Variants in TPTE observed in about 807,000 individuals in gnomAD.
TPTE encodes the protein putative tyrosine-protein phosphatase TPTE.
In TPTE, 59 loss-of-function variants were observed where a neutral mutation model predicts 84.1. The ratio of observed to expected loss-of-function variants is 0.70; its 90% confidence interval spans 0.57 to 0.87. The LOEUF is 0.87. Ranked by LOEUF, TPTE falls within the 40% of genes least tolerant of loss-of-function variation. The pLI, the probability that TPTE is intolerant of heterozygous loss-of-function variation, is 0.00. For synonymous variants in TPTE, 130 were observed against 223.5 expected (o/e 0.58, Z 3.73); for missense variants, 382 against 659.6 (o/e 0.58, Z 4.61).
At chr21:10,542,253 C>T (rs562610120) in intron 5 of TPTE, 142 bp from the exon 6 acceptor site, 136 of 1,040,758 alleles carry the variant, frequency 1.3e-4, no homozygotes, top group Non-Finnish European at 1.7e-4. Context: ...GAGGAAAAGA[C>T]ATTCCAGGTT....
At chr21:10,593,164 C>T (rs2075518338) in intron 19 of TPTE, among the ~76,000 whole-genome samples, 2 of 152,426 alleles carry the variant, frequency 1.3e-5, no homozygotes, top group East Asian at 1.9e-4. Flanking sequence ...ACCCCACTCT[C>T]CACTCTTGTT....
chr21:10,603,770 G>C (rs1978909473), intron 23 of TPTE, 138 bp downstream of exon 23: 1 of 1,118,356 alleles, frequency 8.9e-7, no homozygotes, highest in African/African-American at 1.6e-5. Flanking sequence ...ATTGTTCCTT[G>C]CCTTACTCTT....
intron 20 of TPTE, among the ~76,000 whole-genome samples, chr21:10,596,414 A>G (rs1600980627): frequency 1.3e-5 from 2 of 152,418 alleles, no homozygotes; most frequent in East Asian, 3.9e-4. Context: ...AGGGAGGAGG[A>G]GGACCCATGT....
At position 10,533,485 on chromosome 21, in the gene TPTE, A is replaced by G. The variant is rs1385912144; in HGVS notation, c.-43-5196A>G. 4.6e-5 allele frequency among the ~76,000 whole-genome samples: 7 copies of G among 152,416 alleles called. No homozygotes were observed. The East Asian group carries it at 9.6e-4, about 21-fold the overall frequency. ...AGTAGTTGTATTCCTCAGATATCTA[A>G]TCATGTTGGTTTGTGAACTCAGATT... On this transcript the variant is annotated intron_variant, in intron 3 of 23. Transcript: ENST00000618007.
intron 3 of TPTE, among the ~76,000 whole-genome samples, chr21:10,529,818 C>T (rs1336196101): frequency 6.6e-6 from 1 of 152,308 alleles, no homozygotes; most frequent in Non-Finnish European, 1.5e-5. Flanking sequence ...TTTCAATGTT[C>T]AGTATCCTGT....
intron 7 of TPTE, among the ~76,000 whole-genome samples, chr21:10,545,641 C>T (rs1258745935): frequency 1.3e-5 from 2 of 152,244 alleles, no homozygotes; most frequent in Admixed American, 1.3e-4. Flanking sequence ...TATCTACACA[C>T]ACACACACAC....
chr21:10,605,067 A>C (rs1399772012), intron 23 of TPTE, among the ~76,000 whole-genome samples: 1 of 152,304 alleles, frequency 6.6e-6, no homozygotes, highest in Non-Finnish European at 1.5e-5. Flanking sequence ...CTCACACATA[A>C]ATTAAAAGAG....
intron 4 of TPTE, among the ~76,000 whole-genome samples, chr21:10,540,561 C>T (rs1467819919): frequency 6.6e-6 from 1 of 152,312 alleles, no homozygotes; most frequent in South Asian, 2.1e-4. Flanking sequence ...AGAGAAATCC[C>T]AGCCAAAACA....
At chr21:10,545,837 A>G (rs1213894600) in intron 7 of TPTE, among the ~76,000 whole-genome samples, 3 of 151,784 alleles carry the variant, frequency 2.0e-5, no homozygotes, top group African/African-American at 7.3e-5. Context: ...ATACATATCT[A>G]TATATAGATA....
intron 3 of TPTE, among the ~76,000 whole-genome samples, chr21:10,535,038 T>TA (rs1219094329): frequency 6.6e-6 from 1 of 152,304 alleles, no homozygotes; most frequent in Non-Finnish European, 1.5e-5. Flanking sequence ...GTTGGCTTTT[T>TA]ATGAAGGCTA....
chr21:10,579,551 T>A (rs1600945030), intron 17 of TPTE, among the ~76,000 whole-genome samples: 1 of 152,308 alleles, frequency 6.6e-6, no homozygotes, highest in African/African-American at 2.4e-5. Flanking sequence ...AAGTTTTGTC[T>A]CCCCAGCCCC....
At chr21:10,565,913 G>A (rs1164269766) in intron 10 of TPTE, among the ~76,000 whole-genome samples, 3 of 152,312 alleles carry the variant, frequency 2.0e-5, no homozygotes, top group East Asian at 1.9e-4. Context: ...TACTACAAGA[G>A]AACATTGGGA....
At position 10,601,956 on chromosome 21, in the gene TPTE, A is replaced by G. The variant is rs1978581673; in HGVS notation, c.1357-102A>G. On this transcript the variant is annotated intron_variant, in intron 21 of 23. Coordinates refer to ENST00000618007, the MANE Select transcript of TPTE (RefSeq NM_199261.4). ...TATGTAGTGATTGGGCTGTGAGACC[A>G]AAAGTACTTGATAAATACAGGAAGT... 4 of 1,347,346 alleles carry G rather than the reference A, an allele frequency of 3.0e-6. No individual in the cohort carries two copies. In the Admixed American group the frequency reaches 7.1e-5, roughly 24 times the overall value. 83.5% of individuals were successfully genotyped at this position (1,347,346 alleles called of 1,614,324 possible). A position where few individuals can be genotyped will look rare whatever the true frequency, so the allele number is the denominator to read the frequency against.
chr21:10,582,487 AC>A (rs2075288382), intron 17 of TPTE, among the ~76,000 whole-genome samples: 1 of 152,312 alleles, frequency 6.6e-6, no homozygotes, highest in Admixed American at 6.5e-5. Context: ...ATAATAAAAC[AC>A]TTTTAGGATT....
intron 14 of TPTE, chr21:10,576,643 C>T (rs1172908102): frequency 3.3e-5 from 5 of 152,478 alleles, no homozygotes; most frequent in Admixed American, 6.5e-5. Flanking sequence ...AGCCAGTAAA[C>T]ATTGCTCTGA....
At chr21:10,527,875 C>A (rs2074107948) in intron 3 of TPTE, among the ~76,000 whole-genome samples, 1 of 152,306 alleles carries the variant, frequency 6.6e-6, no homozygotes, top group Admixed American at 6.5e-5. Context: ...ATCTGTGACT[C>A]ATGAAGAGCA....
At chr21:10,545,406 G>C (rs1252765992) in intron 7 of TPTE, among the ~76,000 whole-genome samples, 4 of 152,424 alleles carry the variant, frequency 2.6e-5, no homozygotes, top group African/African-American at 9.6e-5. Context: ...TGAGGATTCA[G>C]CCAGTTTATA....
intron 10 of TPTE, among the ~76,000 whole-genome samples, chr21:10,564,499 G>T (rs1353361296): frequency 6.6e-6 from 1 of 152,310 alleles, no homozygotes; most frequent in African/African-American, 2.4e-5. Context: ...GACAGAGTGA[G>T]ATTCAGTCTC....
At chr21:10,560,143 TCTTC>T (rs2145673333) in intron 9 of TPTE, among the ~76,000 whole-genome samples, 1 of 152,416 alleles carries the variant, frequency 6.6e-6, no homozygotes, top group East Asian at 1.9e-4. Context: ...ATATTGTTTT[TCTTC>T]CATCTGCAAA....
Sources: gnomAD v4.1 joint callset for allele counts (sites outside exome capture counted in the v4.1 genomes callset) on GRCh38, gnomAD v4.1.1 for gene constraint, MANE v1.5 for transcripts, NCBI Gene and HGNC (gene_info 2026-07-23, HGNC 2026-07-21) for gene names.